Variants in RIMS2 observed in about 807,000 individuals in gnomAD.
The protein encoded by RIMS2 is regulating synaptic membrane exocytosis protein 2.
A neutral mutation model predicts 174.4 loss-of-function variants in RIMS2; 59 were observed. The observed-to-expected ratio is 0.34, with a 90% CI of 0.27 to 0.42. The LOEUF is 0.42. Among genes scored for constraint, RIMS2 ranks in the 10% least tolerant of loss-of-function variants. The pLI is 1.00. For synonymous variants in RIMS2, 606 were observed against 572.5 expected (o/e 1.06, Z -0.84); for missense variants, 1,620 against 1,666.3 (o/e 0.97, Z 0.48).
intron 19 of RIMS2, among the ~76,000 whole-genome samples, chr8:104,114,867 T>A (rs2098254827): frequency 6.6e-6 from 1 of 152,034 alleles, no homozygotes. Context: ...ACTAATTTTT[T>A]AATTTTTAAG....
chr8:103,969,599 G>A (rs2092609054), intron 15 of RIMS2, among the ~76,000 whole-genome samples: 1 of 152,018 alleles, frequency 6.6e-6, no homozygotes. Flanking sequence ...ATTCCTGCAG[G>A]CTGTCCACTT....
At chr8:103,920,047 A>G (rs1218430767) in intron 9 of RIMS2, among the ~76,000 whole-genome samples, 1 of 152,124 alleles carries the variant, frequency 6.6e-6, no homozygotes, top group Non-Finnish European at 1.5e-5. Context: ...CAGATACTGC[A>G]TGAGCAGCAT....
chr8:103,580,600 A>G (rs1220996695), intron 1 of RIMS2, among the ~76,000 whole-genome samples: 2 of 152,186 alleles, frequency 1.3e-5, no homozygotes, highest in East Asian at 3.9e-4. Flanking sequence ...ACTGCAATGC[A>G]GTAATAGCAG....
chr8:103,984,129 G>A (rs1156591300), intron 16 of RIMS2, among the ~76,000 whole-genome samples: 1 of 151,874 alleles, frequency 6.6e-6, no homozygotes, highest in African/African-American at 2.4e-5. Flanking sequence ...AGCCGAGATC[G>A]CGCCACTGCA....
At chr8:103,905,546 T>C (rs1388903197) in intron 4 of RIMS2, among the ~76,000 whole-genome samples, 1 of 152,112 alleles carries the variant, frequency 6.6e-6, no homozygotes, top group Non-Finnish European at 1.5e-5. Flanking sequence ...TTATGGTGTA[T>C]CTTGTAACAG....
chr8:104,100,952 T>TATATAAC (rs2097870405), intron 19 of RIMS2, among the ~76,000 whole-genome samples: 1 of 128,554 alleles, frequency 7.8e-6, no homozygotes, highest in South Asian at 2.3e-4. Context: ...TTATATAGTA[T>TATATAAC]ATATGATATA....
chr8:104,166,369 A>G (rs1406743886), intron 19 of RIMS2, among the ~76,000 whole-genome samples: 2 of 152,022 alleles, frequency 1.3e-5, no homozygotes, highest in Non-Finnish European at 2.9e-5. Context: ...CCCGGCCTGG[A>G]TGACTTCTTG....
At chr8:104,246,375 C>T (rs967403854) in intron 20 of RIMS2, among the ~76,000 whole-genome samples, 1 of 150,866 alleles carries the variant, frequency 6.6e-6, no homozygotes, top group Non-Finnish European at 1.5e-5. Flanking sequence ...CTTTTGTTTC[C>T]TTTCCTTTCC....
intron 19 of RIMS2, among the ~76,000 whole-genome samples, chr8:104,072,114 A>G (rs1338012422): frequency 6.6e-6 from 1 of 152,136 alleles, no homozygotes; most frequent in Admixed American, 6.5e-5. Flanking sequence ...ACAACAAAGC[A>G]TTTCTTGATG....
rs558914357 is a variant in RIMS2 at position 104,101,951 on chromosome 8, T to G, written c.3334+87336T>G. Among the ~76,000 whole-genome samples, 20 of 152,296 alleles carry G rather than the reference T, an allele frequency of 1.3e-4. 1 individual carries two copies. Among genetic ancestry groups the G allele is most frequent in the Non-Finnish European group, 1.9e-4 (13 of 68,024 alleles). On this transcript the variant is annotated intron_variant, in intron 19 of 23. Transcript: ENST00000504942. Reference sequence around the variant, plus strand: ...ACTCTGGCCACCTCTGTCTTCTTTGTGAGCTTTCTATATGTCCTCCATGTT... The same window carrying G: ...ACTCTGGCCACCTCTGTCTTCTTTGGGAGCTTTCTATATGTCCTCCATGTT...
At chr8:103,818,579 C>T (rs2098732588) in intron 3 of RIMS2, among the ~76,000 whole-genome samples, 1 of 152,050 alleles carries the variant, frequency 6.6e-6, no homozygotes, top group Non-Finnish European at 1.5e-5. Context: ...GTGTCTCTGG[C>T]CTTGACTGTA....
At chr8:104,231,517 C>T (rs1335333892) in intron 19 of RIMS2, among the ~76,000 whole-genome samples, 1 of 152,148 alleles carries the variant, frequency 6.6e-6, no homozygotes, top group African/African-American at 2.4e-5. Flanking sequence ...AAGCTGGGCT[C>T]ATATTCCATC....
chr8:103,942,880 G>A, exon 14 of RIMS2: 3 of 1,613,564 alleles, frequency 1.9e-6, no homozygotes, highest in Non-Finnish European at 2.5e-6. Context: ...CTCCATATAT[G>A]CCACGAAGAC....
At chr8:103,541,424 A>C (rs2131270209) in intron 1 of RIMS2, among the ~76,000 whole-genome samples, 1 of 152,368 alleles carries the variant, frequency 6.6e-6, no homozygotes, top group East Asian at 1.9e-4. Context: ...ATACTTTCCC[A>C]TACAAACAAA....
At chr8:103,504,548 A>G (rs1822329455) in intron 1 of RIMS2, among the ~76,000 whole-genome samples, 2 of 152,186 alleles carry the variant, frequency 1.3e-5, no homozygotes, top group African/African-American at 4.8e-5. Flanking sequence ...TACATATCAT[A>G]GCCTTTCAGA....
intron 4 of RIMS2, among the ~76,000 whole-genome samples, chr8:103,892,407 T>C (rs1167482606): frequency 6.6e-6 from 1 of 151,704 alleles, no homozygotes; most frequent in Non-Finnish European, 1.5e-5. Context: ...TCTTACTATG[T>C]TGCGCAGGCT....
At chr8:103,575,026 A>G (rs1193461099) in intron 1 of RIMS2, among the ~76,000 whole-genome samples, 1 of 152,208 alleles carries the variant, frequency 6.6e-6, no homozygotes, top group Non-Finnish European at 1.5e-5. Flanking sequence ...GTCCCTTTTT[A>G]CTATCATAAG....
chr8:103,984,586 T>G (rs1442897659), intron 16 of RIMS2, among the ~76,000 whole-genome samples: 1 of 152,208 alleles, frequency 6.6e-6, no homozygotes. Flanking sequence ...AGGGAACCCT[T>G]GTACACTATT....
intron 3 of RIMS2, among the ~76,000 whole-genome samples, chr8:103,785,451 C>G (rs2098434944): frequency 6.6e-6 from 1 of 151,940 alleles, no homozygotes. Flanking sequence ...CCCATCAATA[C>G]CTAATTTATT....
Sources: gnomAD v4.1 joint callset for allele counts (sites outside exome capture counted in the v4.1 genomes callset) on GRCh38, gnomAD v4.1.1 for gene constraint, MANE v1.5 for transcripts, NCBI Gene and HGNC (gene_info 2026-07-23, HGNC 2026-07-21) for gene names.